Variants in GNAQ observed in about 807,000 individuals in gnomAD.
GNAQ encodes G protein subunit alpha q.
Under a neutral mutation model 43.9 loss-of-function variants are expected in GNAQ, and 8 were observed. That is an observed-to-expected ratio of 0.18 (90% CI 0.11 to 0.33). GNAQ has a LOEUF of 0.33. Ranked by LOEUF, GNAQ falls within the 10% of genes least tolerant of loss-of-function variation. The pLI is 1.00. For missense variants in GNAQ, 158 were observed against 450.8 expected (o/e 0.35, Z 5.88); for synonymous variants, 155 against 170.7 (o/e 0.91, Z 0.71).
intron 1 of GNAQ, among the ~76,000 whole-genome samples, chr9:77,922,665 C>T (rs1355193974): frequency 6.6e-6 from 1 of 152,140 alleles, no homozygotes; most frequent in Non-Finnish European, 1.5e-5. Context: ...ATCTTTTGAA[C>T]ATGATAAAAC....
intron 2 of GNAQ, among the ~76,000 whole-genome samples, chr9:77,889,881 A>G (rs1262040078): frequency 6.6e-6 from 1 of 152,148 alleles, no homozygotes; most frequent in African/African-American, 2.4e-5. Context: ...TTTCATCCCA[A>G]ATGAAGCTTT....
chr9:77,995,422 C>CA (rs961939344), intron 1 of GNAQ, among the ~76,000 whole-genome samples: 5 of 151,888 alleles, frequency 3.3e-5, no homozygotes, highest in African/African-American at 1.2e-4. Context: ...GGAAAGGCAT[C>CA]AAAAAAAGTC....
chr9:78,027,796 T>C (rs1285206080), intron 1 of GNAQ, among the ~76,000 whole-genome samples: 1 of 149,054 alleles, frequency 6.7e-6, no homozygotes, highest in East Asian at 2.0e-4. Context: ...CCTGTTTCAA[T>C]AGCGATAATT....
intron 1 of GNAQ, among the ~76,000 whole-genome samples, chr9:78,023,390 A>G (rs1823935921): frequency 6.6e-6 from 1 of 152,226 alleles, no homozygotes; most frequent in African/African-American, 2.4e-5. Context: ...TGTGCAAGTC[A>G]GAGAATCTGA....
intron 2 of GNAQ, among the ~76,000 whole-genome samples, chr9:77,901,804 C>A (rs921240072): frequency 6.6e-6 from 1 of 152,176 alleles, no homozygotes; most frequent in African/African-American, 2.4e-5. Flanking sequence ...TTCTCACAGT[C>A]CTGGAGGCTA....
intron 1 of GNAQ, among the ~76,000 whole-genome samples, chr9:77,983,401 G>C (rs1737366186): frequency 6.6e-6 from 1 of 152,104 alleles, no homozygotes; most frequent in African/African-American, 2.4e-5. Context: ...TTCCTCCATG[G>C]GTAGCCTCAG....
chr9:77,974,560 C>G (rs976678416), intron 1 of GNAQ, among the ~76,000 whole-genome samples: 1 of 152,174 alleles, frequency 6.6e-6, no homozygotes, highest in African/African-American at 2.4e-5. Flanking sequence ...ACCCAATTTA[C>G]AGATGATAAA....
At chr9:77,776,867 T>C (rs991095517) in intron 5 of GNAQ, among the ~76,000 whole-genome samples, 1 of 151,878 alleles carries the variant, frequency 6.6e-6, no homozygotes, top group Non-Finnish European at 1.5e-5. Context: ...AGGTGCCTTT[T>C]TTTTTTTTTT....
intron 3 of GNAQ, among the ~76,000 whole-genome samples, chr9:77,800,347 G>T (rs954943240): frequency 1.3e-5 from 2 of 151,908 alleles, no homozygotes; most frequent in Non-Finnish European, 2.9e-5. Context: ...TGATAGACTG[G>T]ATTAAGAAAA....
intron 2 of GNAQ, among the ~76,000 whole-genome samples, chr9:77,847,297 G>A (rs538278195): frequency 2.6e-5 from 4 of 152,170 alleles, no homozygotes; most frequent in Non-Finnish European, 2.9e-5. Context: ...AGCCGGAAAC[G>A]CTAATTATTA....
At chr9:77,860,267 GCT>G (rs1827823359) in intron 2 of GNAQ, among the ~76,000 whole-genome samples, 1 of 152,114 alleles carries the variant, frequency 6.6e-6, no homozygotes, top group African/African-American at 2.4e-5. Context: ...GTTTCTCTGT[GCT>G]CTCTTAGTCC....
intron 1 of GNAQ, among the ~76,000 whole-genome samples, chr9:78,026,008 T>C (rs1171715761): frequency 6.6e-6 from 1 of 152,228 alleles, no homozygotes. Context: ...CTGTTTTTAA[T>C]AGGCACTTCT....
intron 1 of GNAQ, among the ~76,000 whole-genome samples, chr9:77,947,511 G>A (rs1021838481): frequency 5.9e-5 from 9 of 152,180 alleles, no homozygotes; most frequent in Non-Finnish European, 1.0e-4. Context: ...TGTGTGACAC[G>A]AGGCTATCTG....
intron 5 of GNAQ, among the ~76,000 whole-genome samples, chr9:77,740,505 GATA>G (rs1442500196): frequency 2.6e-5 from 4 of 152,148 alleles, no homozygotes; most frequent in Non-Finnish European, 4.4e-5. Context: ...TTGATCAAAT[GATA>G]AGAAAGCAGG....
At chr9:77,814,885 G>C (rs1447837813) in intron 3 of GNAQ, among the ~76,000 whole-genome samples, 1 of 152,194 alleles carries the variant, frequency 6.6e-6, no homozygotes, top group East Asian at 1.9e-4. Context: ...CAGGTGCCTG[G>C]TTATCTACAT....
At chr9:78,011,523 G>GT (rs1823772635) in intron 1 of GNAQ, among the ~76,000 whole-genome samples, 1 of 152,164 alleles carries the variant, frequency 6.6e-6, no homozygotes, top group South Asian at 2.1e-4. Flanking sequence ...TCAAGAAAAT[G>GT]TAACAAAATG....
In GNAQ at chr9:77,907,928, G is replaced by GGT. The variant is rs139388561; in HGVS notation, c.321+14231_321+14232dup. Among the ~76,000 whole-genome samples the GGT allele has an allele frequency of 4.4e-3, 675 of 152,242 alleles. 6 individuals carry two copies. The highest frequency in any genetic ancestry group is 4.0e-3 in the Non-Finnish European group (273 of 68,012). On this transcript the variant is annotated intron_variant, in intron 2 of 6. Coordinates refer to ENST00000286548, the MANE Select transcript of GNAQ (RefSeq NM_002072.5). The stretch of plus-strand genomic sequence containing the variant: ...AAATACATGTGTCCTAGGTGCCAAA[G>GGT]GTGTTTATGGAGTCAAGTATACGAG...
chr9:77,834,575 C>A (rs1827354213), intron 2 of GNAQ, among the ~76,000 whole-genome samples: 1 of 151,910 alleles, frequency 6.6e-6, no homozygotes, highest in Non-Finnish European at 1.5e-5. Context: ...ATTCTATAAA[C>A]CTGATTGATT....
intron 5 of GNAQ, among the ~76,000 whole-genome samples, chr9:77,744,331 A>G (rs1310638557): frequency 1.3e-5 from 2 of 152,184 alleles, no homozygotes; most frequent in Non-Finnish European, 2.9e-5. Context: ...ATTTGACTGC[A>G]TGCCTTCATT....
Sources: gnomAD v4.1 joint callset for allele counts (sites outside exome capture counted in the v4.1 genomes callset) on GRCh38, gnomAD v4.1.1 for gene constraint, MANE v1.5 for transcripts, NCBI Gene and HGNC (gene_info 2026-07-23, HGNC 2026-07-21) for gene names.